The following CCDC85A variants were observed in gnomAD, a reference collection of about 807,000 sequenced individuals.
The protein encoded by CCDC85A is coiled-coil domain containing 85A, also known as coiled-coil domain-containing protein 85A.
CCDC85A carries 38 observed loss-of-function variants against 50.2 expected under a neutral mutation model. The observed-to-expected ratio is 0.76, with a 90% CI of 0.58 to 0.99. CCDC85A has a LOEUF of 0.99. Among genes scored for constraint, CCDC85A ranks in the 50% least tolerant of loss-of-function variants. CCDC85A has a pLI of 0.00. For missense variants in CCDC85A, 820 were observed against 742.0 expected (o/e 1.11, Z -1.22); for synonymous variants, 366 against 301.4 (o/e 1.21, Z -2.22).
intron 2 of CCDC85A, among the ~76,000 whole-genome samples, chr2:56,234,421 C>T (rs1419456642): frequency 1.3e-5 from 2 of 152,154 alleles, no homozygotes; most frequent in African/African-American, 4.8e-5. Flanking sequence ...GAACTGGCTC[C>T]TCTCGAGCTT....
intron 1 of CCDC85A, among the ~76,000 whole-genome samples, chr2:56,186,554 C>T (rs1386633328): frequency 6.6e-6 from 1 of 152,178 alleles, no homozygotes; most frequent in African/African-American, 2.4e-5. Context: ...CAGAGCTGGA[C>T]AAGGGGGCAT....
intron 2 of CCDC85A, among the ~76,000 whole-genome samples, chr2:56,329,245 C>T (rs1434803267): frequency 1.3e-5 from 2 of 152,108 alleles, no homozygotes; most frequent in East Asian, 1.9e-4. Flanking sequence ...TTTGTATTTA[C>T]GTCTCAACTT....
At chr2:56,291,859 G>C (rs1178215209) in intron 2 of CCDC85A, among the ~76,000 whole-genome samples, 1 of 151,622 alleles carries the variant, frequency 6.6e-6, no homozygotes, top group East Asian at 1.9e-4. Context: ...GACTCCTGAA[G>C]GGAGAATTGT....
chr2:56,203,627 T>A (rs1676834792), intron 2 of CCDC85A, among the ~76,000 whole-genome samples: 1 of 152,190 alleles, frequency 6.6e-6, no homozygotes, highest in African/African-American at 2.4e-5. Flanking sequence ...GCTGGTTTGA[T>A]TATTTCTATT....
chr2:56,278,924 G>A (rs912083986), intron 2 of CCDC85A, among the ~76,000 whole-genome samples: 1 of 152,126 alleles, frequency 6.6e-6, no homozygotes, highest in East Asian at 1.9e-4. Context: ...TTCTCCTTTA[G>A]TGTGTGTGTT....
intron 2 of CCDC85A, among the ~76,000 whole-genome samples, chr2:56,219,212 A>G (rs867309120): frequency 1.3e-4 from 19 of 146,928 alleles, no homozygotes; most frequent in Middle Eastern, 3.4e-3. Context: ...GCAGTGTGCT[A>G]TGTGTTGCAT....
chr2:56,333,410 T>C (rs984245798), intron 2 of CCDC85A, among the ~76,000 whole-genome samples: 6 of 152,116 alleles, frequency 3.9e-5, no homozygotes, highest in African/African-American at 1.4e-4. Flanking sequence ...AGGAGGCCCT[T>C]TGGCTGGTGC....
Position 56,372,467 on chromosome 2 carries a change from C to A in CCDC85A, c.1441C>A (p.Pro481Thr). The change falls in exon 4 of 6, where the codon CCT (proline) becomes ACT (threonine). Residue 481 changes from proline to threonine, a missense_variant. By Grantham distance (38) the Pro-to-Thr change is conservative (BLOSUM62 -1). Coordinates refer to ENST00000407595, the MANE Select transcript of CCDC85A (RefSeq NM_001080433.2). ...GTGCCGAGGAATAGGACGATGCCTGCCTACTCTCCCGGTGAGTGAAGATGA... is the reference window on the plus strand; with the variant it reads ...GTGCCGAGGAATAGGACGATGCCTGACTACTCTCCCGGTGAGTGAAGATGA... ...QGCRGIGRCL[P>T]TLPGSFRLSS... 3 of 1,604,212 alleles carry A rather than the reference C, an allele frequency of 1.9e-6. No homozygotes were observed. The highest frequency in any genetic ancestry group is 2.6e-6 in the Non-Finnish European group (3 of 1,174,680).
At chr2:56,214,548 T>A (rs546686216) in intron 2 of CCDC85A, among the ~76,000 whole-genome samples, 1 of 151,906 alleles carries the variant, frequency 6.6e-6, no homozygotes, top group South Asian at 2.1e-4. Context: ...GTAAAAGATA[T>A]AAGGTCAGTA....
chr2:56,356,379 A>C (rs1487324571), intron 3 of CCDC85A, among the ~76,000 whole-genome samples: 1 of 152,226 alleles, frequency 6.6e-6, no homozygotes, highest in Non-Finnish European at 1.5e-5. Flanking sequence ...ATTTTAATAC[A>C]TGATTCTTTA....
At chr2:56,254,227 A>G (rs1669887085) in intron 2 of CCDC85A, among the ~76,000 whole-genome samples, 1 of 151,734 alleles carries the variant, frequency 6.6e-6, no homozygotes, top group East Asian at 1.9e-4. Flanking sequence ...AAAAATTAAT[A>G]CCTACCTCCT....
intron 2 of CCDC85A, among the ~76,000 whole-genome samples, chr2:56,284,326 A>G (rs144423922): frequency 1.9e-4 from 29 of 152,314 alleles, no homozygotes; most frequent in African/African-American, 7.0e-4. Flanking sequence ...TTCTGAATAT[A>G]GTGATTTCTA....
At chr2:56,311,695 G>A (rs144324757) in intron 2 of CCDC85A, among the ~76,000 whole-genome samples, 4 of 152,150 alleles carry the variant, frequency 2.6e-5, no homozygotes, top group African/African-American at 4.8e-5. Flanking sequence ...TTTCCTATGA[G>A]TTTAATTTAT....
intron 3 of CCDC85A, among the ~76,000 whole-genome samples, chr2:56,344,742 T>G (rs1674549412): frequency 6.6e-6 from 1 of 152,174 alleles, no homozygotes; most frequent in African/African-American, 2.4e-5. Flanking sequence ...ATCTAACTTC[T>G]TACTTGTTAC....
chr2:56,217,370 G>C (rs1368377187), intron 2 of CCDC85A, among the ~76,000 whole-genome samples: 1 of 151,842 alleles, frequency 6.6e-6, no homozygotes, highest in Non-Finnish European at 1.5e-5. Context: ...ACCTTGCATT[G>C]TTTAGGTGTG....
intron 4 of CCDC85A, among the ~76,000 whole-genome samples, chr2:56,375,495 G>A (rs1307496405): frequency 6.6e-6 from 1 of 152,178 alleles, no homozygotes; most frequent in Admixed American, 6.5e-5. Flanking sequence ...CAGCTATGGA[G>A]TAACTCATGA....
chr2:56,340,831 G>T, intron 2 of CCDC85A, among the ~76,000 whole-genome samples: 1 of 141,364 alleles, frequency 7.1e-6, no homozygotes, highest in East Asian at 2.2e-4. Flanking sequence ...AGCCGAGATC[G>T]CGCCACTGCA....
chr2:56,286,926 G>C (rs1445019670), intron 2 of CCDC85A, among the ~76,000 whole-genome samples: 1 of 152,128 alleles, frequency 6.6e-6, no homozygotes, highest in Non-Finnish European at 1.5e-5. Context: ...TTCCCCTTTA[G>C]GTTGGCTCTA....
Position 56,385,697 on chromosome 2 carries a change from A to T in CCDC85A, c.*1342A>T, listed in dbSNP as rs1676792573. 6.6e-6 allele frequency: 1 copy of T among 151,960 alleles called. No individual in the cohort carries two copies. Among genetic ancestry groups the T allele is most frequent in the East Asian group, 1.9e-4 (1 of 5,158 alleles). 9.4% of individuals were successfully genotyped at this position (151,960 alleles called of 1,614,324 possible). A position where few individuals can be genotyped will look rare whatever the true frequency, so the allele number is the denominator to read the frequency against. On this transcript the variant is annotated 3_prime_UTR_variant, in exon 6 of 6. Transcript: ENST00000407595. ...TTGTTGTTTTAGATGGGCTCATTAC[A>T]TAACGAGTTAATTGTCACTAGTAGG...
Sources: allele counts gnomAD v4.1 joint callset (sites outside exome capture counted in the v4.1 genomes callset), GRCh38; gene constraint gnomAD v4.1.1; transcripts MANE v1.5; gene names NCBI Gene and HGNC (gene_info 2026-07-23, HGNC 2026-07-21).